The following SERPINI1 variants were observed in gnomAD, a reference collection of about 807,000 sequenced individuals.
SERPINI1 encodes the protein serpin family I member 1.
A neutral mutation model predicts 41.1 loss-of-function variants in SERPINI1; 19 were observed. The observed-to-expected ratio is 0.46, with a 90% CI of 0.32 to 0.68. SERPINI1 has a LOEUF of 0.68. Ranked by LOEUF, SERPINI1 falls within the 30% of genes least tolerant of loss-of-function variation. SERPINI1 has a pLI of 0.03. For missense variants in SERPINI1, 460 were observed against 479.2 expected (o/e 0.96, Z 0.37); for synonymous variants, 138 against 156.6 (o/e 0.88, Z 0.89).
intron 1 of SERPINI1, among the ~76,000 whole-genome samples, chr3:167,762,707 C>CT (rs1477184198): frequency 6.6e-6 from 1 of 152,146 alleles, no homozygotes; most frequent in Non-Finnish European, 1.5e-5. Flanking sequence ...GCTTCCTAAT[C>CT]TTTTTATTTA....
intron 1 of SERPINI1, among the ~76,000 whole-genome samples, chr3:167,762,625 C>G (rs1165581096): frequency 6.6e-6 from 1 of 152,154 alleles, no homozygotes; most frequent in Non-Finnish European, 1.5e-5. Context: ...GCTTCTGACC[C>G]TAGATATCCA....
chr3:167,742,503 T>G (rs1409561428), intron 1 of SERPINI1, among the ~76,000 whole-genome samples: 1 of 152,206 alleles, frequency 6.6e-6, no homozygotes, highest in East Asian at 1.9e-4. Flanking sequence ...TATCACACTG[T>G]CATTCAAAGA....
At chr3:167,793,596 A>ATATTTTTTTTTTTT in intron 4 of SERPINI1, among the ~76,000 whole-genome samples, 133 of 140,602 alleles carry the variant, frequency 9.5e-4, no homozygotes, top group African/African-American at 3.4e-3. Context: ...ATATATATAT[A>ATATTTTTTTTTTTT]TTTTTAATTA....
chr3:167,742,666 G>C (rs1725717279), intron 1 of SERPINI1, among the ~76,000 whole-genome samples: 1 of 152,168 alleles, frequency 6.6e-6, no homozygotes, highest in South Asian at 2.1e-4. Context: ...AGATATCAAA[G>C]ACTTTTGGCT....
intron 1 of SERPINI1, among the ~76,000 whole-genome samples, chr3:167,747,937 G>T (rs1001558017): frequency 1.4e-5 from 2 of 146,466 alleles, no homozygotes; most frequent in African/African-American, 5.0e-5. Flanking sequence ...GTGTTTTGTT[G>T]TTTTTTTTTT....
intron 6 of SERPINI1, among the ~76,000 whole-genome samples, chr3:167,822,259 C>T (rs1712359213): frequency 1.3e-5 from 2 of 152,080 alleles, no homozygotes; most frequent in Non-Finnish European, 2.9e-5. Flanking sequence ...AAAATTCTGT[C>T]TCCAAATATA....
chr3:167,744,051 A>G (rs1259227469), intron 1 of SERPINI1, among the ~76,000 whole-genome samples: 2 of 152,140 alleles, frequency 1.3e-5, no homozygotes, highest in Non-Finnish European at 2.9e-5. Context: ...CGTGAACCAC[A>G]AGACTAAAGT....
chr3:167,745,381 A>G (rs566055580), intron 1 of SERPINI1, among the ~76,000 whole-genome samples: 1 of 152,056 alleles, frequency 6.6e-6, no homozygotes, highest in Non-Finnish European at 1.5e-5. Flanking sequence ...AACATTTAAC[A>G]AACTAGGAGT....
At chr3:167,754,524 T>G (rs1726138869) in intron 1 of SERPINI1, among the ~76,000 whole-genome samples, 1 of 152,252 alleles carries the variant, frequency 6.6e-6, no homozygotes, top group Non-Finnish European at 1.5e-5. Context: ...TTGAATATTC[T>G]AAATGTCAAC....
At chr3:167,791,865 C>G (rs1214696373) in intron 3 of SERPINI1, among the ~76,000 whole-genome samples, 1 of 152,212 alleles carries the variant, frequency 6.6e-6, no homozygotes, top group Non-Finnish European at 1.5e-5. Context: ...GGCTCATGCC[C>G]TGTAATCCCA....
chr3:167,820,800 C>T (rs546111646), intron 6 of SERPINI1, among the ~76,000 whole-genome samples: 4 of 152,330 alleles, frequency 2.6e-5, no homozygotes, highest in East Asian at 3.9e-4. Flanking sequence ...ACCTTCAGGC[C>T]AGGGATGACC....
intron 1 of SERPINI1, among the ~76,000 whole-genome samples, chr3:167,747,009 G>A (rs1056114943): frequency 2.0e-5 from 3 of 152,184 alleles, no homozygotes; most frequent in Non-Finnish European, 4.4e-5. Flanking sequence ...ATTCATAAAA[G>A]TGGAAACAAT....
chr3:167,806,501 C>A (rs1045545726), intron 5 of SERPINI1, among the ~76,000 whole-genome samples: 1 of 151,968 alleles, frequency 6.6e-6, no homozygotes, highest in Non-Finnish European at 1.5e-5. Context: ...AAAAAAAATT[C>A]TTCAGTGTAA....
intron 1 of SERPINI1, among the ~76,000 whole-genome samples, chr3:167,783,002 T>C (rs1184370193): frequency 4.6e-5 from 7 of 152,072 alleles, no homozygotes; most frequent in Admixed American, 4.6e-4. Flanking sequence ...GACTAAAGAT[T>C]TTGGGCTTTG....
rs150681002 is a variant in SERPINI1 at position 167,789,376 on chromosome 3, A to T, written c.248A>T (p.Asn83Ile). The T allele has an allele frequency of 4.5e-5, 73 of 1,614,030 alleles. No homozygotes were observed. In the African/African-American group the frequency reaches 6.9e-4, roughly 15 times the overall value. ...RHSMGYDSLK[N>I]GEEFSFLKEF... ...TCAATGGGATATGACAGCCTAAAAA[A>T]TGGTAAGAGTGATCAGGTTTGATTT... is the stretch of plus-strand genomic sequence containing the variant. Residue 83 changes from asparagine to isoleucine, a missense_variant and splice_region_variant, in exon 2 of 9, where the codon AAT becomes ATT. By Grantham distance (149) the Asn-to-Ile change is moderately radical. Coordinates refer to ENST00000446050, the MANE Select transcript of SERPINI1 (RefSeq NM_001122752.2).
intron 1 of SERPINI1, among the ~76,000 whole-genome samples, chr3:167,770,430 A>C (rs1726711028): frequency 6.6e-6 from 1 of 152,064 alleles, no homozygotes; most frequent in African/African-American, 2.4e-5. Context: ...ATCATATAGT[A>C]GATTATATTT....
At chr3:167,744,190 T>G (rs1725768102) in intron 1 of SERPINI1, among the ~76,000 whole-genome samples, 1 of 152,148 alleles carries the variant, frequency 6.6e-6, no homozygotes, top group Non-Finnish European at 1.5e-5. Context: ...AGTATGTTAC[T>G]TAATCTCTCT....
At chr3:167,753,451 A>T (rs1357664001) in intron 1 of SERPINI1, among the ~76,000 whole-genome samples, 1 of 152,084 alleles carries the variant, frequency 6.6e-6, no homozygotes, top group Non-Finnish European at 1.5e-5. Context: ...TATAGGAAGC[A>T]TCTAATGTAT....
At chr3:167,746,525 T>C (rs543726444) in intron 1 of SERPINI1, among the ~76,000 whole-genome samples, 62 of 152,326 alleles carry the variant, frequency 4.1e-4, no homozygotes, top group African/African-American at 1.3e-3. Context: ...AAGAACCTTA[T>C]ATGCAGAGCT....
Sources: gnomAD v4.1 joint callset for allele counts (sites outside exome capture counted in the v4.1 genomes callset) on GRCh38, gnomAD v4.1.1 for gene constraint, MANE v1.5 for transcripts, NCBI Gene and HGNC (gene_info 2026-07-23, HGNC 2026-07-21) for gene names.